AKAP13: variants seen among roughly 807,000 people sequenced by gnomAD.
The protein encoded by AKAP13 is A-kinase anchor protein 13.
AKAP13 carries 80 observed loss-of-function variants against 264.5 expected under a neutral mutation model. The ratio of observed to expected loss-of-function variants is 0.30; its 90% CI spans 0.25 to 0.36. The LOEUF (loss-of-function observed/expected upper bound fraction) is 0.36, where lower values mean the gene tolerates loss of function less well. Ranked by LOEUF, AKAP13 falls within the 10% of genes least tolerant of loss-of-function variation. AKAP13 has a pLI of 1.00. For missense variants in AKAP13, 3,712 were observed against 3,435.2 expected, an observed-to-expected ratio of 1.08 and a Z score of -2.01; for synonymous variants, 1,380 against 1,250.2, an observed-to-expected ratio of 1.10 and a Z score of -2.19.
chr15:85,405,169 CTTG>C (rs1340618869), intron 1 of AKAP13, among the ~76,000 whole-genome samples: 5 of 151,984 alleles, frequency 3.3e-5, no homozygotes, highest in East Asian at 1.9e-4. Context: ...GTCTTGGTGT[CTTG>C]TTGTTTCTAC....
At chr15:85,697,490 A>G (rs2085631155) in intron 17 of AKAP13, among the ~76,000 whole-genome samples, 1 of 152,074 alleles carries the variant, frequency 6.6e-6, no homozygotes, top group African/African-American at 2.4e-5. Flanking sequence ...AATCTCTTGA[A>G]CCCGGGAGGC....
At chr15:85,418,840 GACC>G (rs2072370833) in intron 1 of AKAP13, among the ~76,000 whole-genome samples, 1 of 152,144 alleles carries the variant, frequency 6.6e-6, no homozygotes, top group Non-Finnish European at 1.5e-5. Context: ...TAATAATAAA[GACC>G]ACAAGTGGCT....
intron 8 of AKAP13, among the ~76,000 whole-genome samples, chr15:85,601,053 A>G (rs2080042046): frequency 6.6e-6 from 1 of 152,240 alleles, no homozygotes; most frequent in Non-Finnish European, 1.5e-5. Context: ...GACTTCTTAA[A>G]TGCTGAGCAA....
intron 5 of AKAP13, among the ~76,000 whole-genome samples, chr15:85,548,353 T>C (rs2077827551): frequency 6.6e-6 from 1 of 152,206 alleles, no homozygotes; most frequent in African/African-American, 2.4e-5. Flanking sequence ...TTAGGGCTTA[T>C]TTGTCATACA....
At chr15:85,555,490 G>T in intron 5 of AKAP13, 1 of 1,280,614 alleles carries the variant, frequency 7.8e-7, no homozygotes, top group Non-Finnish European at 1.0e-6. Flanking sequence ...GGGCAGCCAT[G>T]TGTGAGTATC....
chr15:85,664,524 C>A, intron 12 of AKAP13, 39 bp from the exon 13 acceptor site: 1 of 1,553,982 alleles, frequency 6.4e-7, no homozygotes, highest in Admixed American at 1.9e-5. Flanking sequence ...TTTTGAGACC[C>A]AGAAATAGAA....
chr15:85,624,012 CT>C (rs547736898), intron 8 of AKAP13, among the ~76,000 whole-genome samples: 83 of 152,318 alleles, frequency 5.4e-4, no homozygotes, highest in African/African-American at 1.9e-3. Context: ...CAGTAGCCAA[CT>C]TTAGCTCATG....
At chr15:85,482,712 A>G (rs1265814105) in intron 1 of AKAP13, among the ~76,000 whole-genome samples, 1 of 152,186 alleles carries the variant, frequency 6.6e-6, no homozygotes, top group Non-Finnish European at 1.5e-5. Flanking sequence ...TTTTTTCACT[A>G]GTGAAATAGG....
intron 1 of AKAP13, among the ~76,000 whole-genome samples, chr15:85,419,825 C>T (rs1218722793): frequency 2.6e-5 from 4 of 151,776 alleles, no homozygotes; most frequent in Non-Finnish European, 5.9e-5. Flanking sequence ...AATTGTGTAC[C>T]TCATTTTCTC....
At chr15:85,394,533 A>G (rs1302222104) in intron 1 of AKAP13, among the ~76,000 whole-genome samples, 1 of 152,092 alleles carries the variant, frequency 6.6e-6, no homozygotes, top group Non-Finnish European at 1.5e-5. Flanking sequence ...AAAATCTTTT[A>G]TTTTTCACTC....
chr15:85,716,409 G>A (rs1404305380), intron 20 of AKAP13, among the ~76,000 whole-genome samples: 1 of 151,976 alleles, frequency 6.6e-6, no homozygotes, highest in Non-Finnish European at 1.5e-5. Flanking sequence ...TTACTATTAG[G>A]TTCTCACTCA....
chr15:85,575,345 T>C lies in AKAP13; in HGVS notation c.861+16T>C. 1 of 1,612,184 alleles carries C rather than the reference T, an allele frequency of 6.2e-7. No homozygotes were observed. The highest frequency in any genetic ancestry group is 1.1e-5 in the South Asian group (1 of 91,028). On this transcript the variant is annotated intron_variant, in intron 6 of 36. Transcript: ENST00000394518. ...GCAACTAATGGTAAGTCAGAAAGCT[T>C]TTATTTTTAAGTATATGCATGTGTA...
chr15:85,403,594 C>T (rs1190798763), intron 1 of AKAP13, among the ~76,000 whole-genome samples: 1 of 151,932 alleles, frequency 6.6e-6, no homozygotes, highest in Admixed American at 6.6e-5. Flanking sequence ...TAATCCCAGC[C>T]CTTTGGGAAG....
intron 14 of AKAP13, among the ~76,000 whole-genome samples, chr15:85,675,973 G>T (rs147454778): frequency 1.3e-5 from 2 of 151,904 alleles, no homozygotes; most frequent in Admixed American, 6.6e-5. Flanking sequence ...ATGTAGTGGC[G>T]CTATCTCGGC....
Position 85,604,630 on chromosome 15 carries a change from A to T in AKAP13, c.4161+18807A>T, listed in dbSNP as rs573722155. Among the ~76,000 whole-genome samples, 194 of 152,040 alleles carry T rather than the reference A, an allele frequency of 1.3e-3. 1 individual carries two copies. Among genetic ancestry groups the T allele is most frequent in the Non-Finnish European group, 2.3e-3 (157 of 67,948 alleles). ...AGGCACCTGCCACCACTCCCAGCTAATTTTTGTATTTTTAGTAGAGATGAG... is the reference window on the plus strand; with the variant it reads ...AGGCACCTGCCACCACTCCCAGCTATTTTTTGTATTTTTAGTAGAGATGAG... On this transcript the variant is annotated intron_variant, in intron 8 of 36. Coordinates refer to ENST00000394518, the MANE Select transcript of AKAP13 (RefSeq NM_007200.5).
chr15:85,410,935 A>G (rs149605551), intron 1 of AKAP13, among the ~76,000 whole-genome samples: 9 of 148,658 alleles, frequency 6.1e-5, no homozygotes, highest in Non-Finnish European at 1.3e-4. Flanking sequence ...TTGTAGTAGT[A>G]ATCATGACTT....
intron 1 of AKAP13, among the ~76,000 whole-genome samples, chr15:85,435,164 C>A (rs1281320717): frequency 7.1e-6 from 1 of 141,740 alleles, no homozygotes; most frequent in Non-Finnish European, 1.5e-5. Flanking sequence ...TCGAGAACTA[C>A]GTGAAGAATG....
chr15:85,437,384 CAG>C (rs2073361352), intron 1 of AKAP13, among the ~76,000 whole-genome samples: 1 of 152,196 alleles, frequency 6.6e-6, no homozygotes, highest in Non-Finnish European at 1.5e-5. Flanking sequence ...TGAATTCTAC[CAG>C]AGACACAAGG....
chr15:85,706,525 G>GTACA (rs964293032), intron 17 of AKAP13, among the ~76,000 whole-genome samples: 1 of 152,152 alleles, frequency 6.6e-6, no homozygotes, highest in African/African-American at 2.4e-5. Context: ...GGTCATACTA[G>GTACA]TACATACATA....
Sources: gnomAD v4.1 joint callset for allele counts (sites outside exome capture counted in the v4.1 genomes callset) on GRCh38, gnomAD v4.1.1 for gene constraint, MANE v1.5 for transcripts, NCBI Gene and HGNC (gene_info 2026-07-23, HGNC 2026-07-21) for gene names.